Variants in PIEZO1 observed in about 807,000 individuals in gnomAD.
PIEZO1 encodes piezo-type mechanosensitive ion channel component 1.
Under a neutral mutation model 297.2 loss-of-function variants are expected in PIEZO1, and 296 were observed. The observed-to-expected ratio is 1.00, with a 90% CI of 0.91 to 1.10. The LOEUF is 1.10. Among genes scored for constraint, PIEZO1 ranks in the 50% least tolerant of loss-of-function variants. PIEZO1 has a pLI of 0.00. For missense variants in PIEZO1, 5,018 were observed against 3,455.5 expected, an observed-to-expected ratio of 1.45 and a Z score of -11.34; for synonymous variants, 2,427 against 1,507.5, an observed-to-expected ratio of 1.61 and a Z score of -14.13.
rs375008898 is a variant in PIEZO1 at position 88,721,820 on chromosome 16, G to A, written c.5202C>T (p.Ile1734=). 8.4e-6 allele frequency: 13 copies of A among 1,546,384 alleles called. No homozygotes were observed. Among genetic ancestry groups the A allele is most frequent in the African/African-American group, 2.7e-5 (2 of 73,012 alleles). ...RPSKRFWMTA[I]VFTEIAVVVK... ...GGCCTCGGCCCACCTCGGTGAAGAC[G>A]ATGGCCGTCATCCAGAAGCGCTTGC... The change falls in exon 37 of 51, where the codon ATC becomes ATT. Residue 1734 remains isoleucine (I), a synonymous_variant. Transcript: ENST00000301015.
rs1395422300 is a variant in PIEZO1, at chr16:88,715,492, C to T, written c.*113G>A. The T allele has an allele frequency of 2.6e-6, 3 of 1,154,676 alleles. No individual in the cohort carries two copies. In the African/African-American group the frequency reaches 4.6e-5, roughly 18 times the overall value. The allele number at this position is 1,154,676 out of a possible 1,614,324, so 71.5% of individuals were successfully genotyped here. ...TCAGGCAGGCCGGGAGGATGCATCA[C>T]AGCTGGCGGCCTTGGACGGGGCAGT... is the stretch of plus-strand genomic sequence containing the variant. On this transcript the variant is annotated 3_prime_UTR_variant, in exon 51 of 51. Coordinates refer to ENST00000301015, the MANE Select transcript of PIEZO1 (RefSeq NM_001142864.4).
At chr16:88,737,190 G>A (rs558685438) in intron 10 of PIEZO1, 58 of 271,772 alleles carry the variant, frequency 2.1e-4, no homozygotes, top group African/African-American at 7.5e-4. Context: ...TGCCCTGGAC[G>A]AGCGGCCTCC....
chr16:88,776,101 G>C (rs1907649717), intron 1 of PIEZO1, among the ~76,000 whole-genome samples: 1 of 152,150 alleles, frequency 6.6e-6, no homozygotes, highest in South Asian at 2.1e-4. Flanking sequence ...TTAAACACGT[G>C]CCACCCAGGA....
rs532143931 is a variant in PIEZO1, at chr16:88,750,171, C to CA, written c.65-693dup. ...CCAATATGGTGAATCCCTGTCTTGACAAAAAAATACAAAAATTAGCTGGGT... is the reference window on the plus strand; with the variant it reads ...CCAATATGGTGAATCCCTGTCTTGACAAAAAAAATACAAAAATTAGCTGGGT... On this transcript the variant is annotated intron_variant, in intron 1 of 50. Transcript: ENST00000301015. 2.7e-4 allele frequency among the ~76,000 whole-genome samples: 41 copies of CA among 150,130 alleles called. No homozygotes were observed. The East Asian group carries it at 3.6e-3, about 13-fold the overall frequency.
At position 88,715,780 on chromosome 16, in the gene PIEZO1, T is replaced by G; in HGVS notation, c.7391A>C (p.His2464Pro). ...FVRGFFSEIS[H>P]SIMFEELPCV... ...CGGCAGCTCCTCGAACATAATGGAG[T>G]GCGAGATCTCGCTGAAGAATCCGCG... The change falls in exon 51 of 51, where the codon CAC (histidine) becomes CCC (proline). Residue 2464 changes from histidine (H) to proline (P), a missense_variant. His to Pro is a moderately conservative substitution (Grantham distance 77). Transcript: ENST00000301015. 6.5e-7 allele frequency: 1 copy of G among 1,550,270 alleles called. No homozygotes were observed. The highest frequency in any genetic ancestry group is 8.7e-7 in the Non-Finnish European group (1 of 1,146,924).
intron 22 of PIEZO1, among the ~76,000 whole-genome samples, chr16:88,730,308 G>A (rs186269707): frequency 7.5e-4 from 114 of 152,320 alleles, no homozygotes; most frequent in Non-Finnish European, 1.3e-3. Context: ...AAAACAAGAC[G>A]GGGCCGGGCG....
rs563239344 is a variant in PIEZO1, at chr16:88,733,668, G to C, written c.2407C>G (p.Gln803Glu). ...AGFSDVLSRV[Q>E]VFLRRLLELH... ...TCCAGCAGCCGCCGCAGGAACACCT[G>C]CACGCGTGAGAGGACGTCCGAGAAG... Residue 803 changes from glutamine to glutamate, a missense_variant, in exon 18 of 51, where the codon CAG becomes GAG. Coordinates refer to ENST00000301015, the MANE Select transcript of PIEZO1 (RefSeq NM_001142864.4). The C allele has an allele frequency of 1.5e-5, 23 of 1,549,742 alleles. No homozygotes were observed. Among genetic ancestry groups the C allele is most frequent in the Non-Finnish European group, 2.0e-5 (23 of 1,146,628 alleles).
intron 5 of PIEZO1, 54 bp downstream of exon 5, chr16:88,741,424 G>A (rs1474812591): frequency 2.8e-6 from 4 of 1,439,104 alleles, no homozygotes; most frequent in African/African-American, 2.9e-5. Context: ...AAATGGCTGA[G>A]ACCACAGCTC....
At chr16:88,764,089 C>T (rs1195988458) in intron 1 of PIEZO1, among the ~76,000 whole-genome samples, 1 of 152,138 alleles carries the variant, frequency 6.6e-6, no homozygotes, top group Non-Finnish European at 1.5e-5. Flanking sequence ...CCCCGGGGGG[C>T]ACCAGAGCAG....
rs1319916989 is a variant in PIEZO1 at position 88,723,454 on chromosome 16, T to G, written c.4336-126A>C. ...TCTGTGTCTCCCAGGGACCTCCGTG[T>G]CCCTGAGCCCCTCCCGGATGGGGAC... On this transcript the variant is annotated intron_variant, in intron 31 of 50. Coordinates refer to ENST00000301015, the MANE Select transcript of PIEZO1 (RefSeq NM_001142864.4). The G allele has an allele frequency of 8.1e-6, 9 of 1,106,524 alleles. No homozygotes were observed. The East Asian group carries it at 2.3e-4, about 29-fold the overall frequency. The allele number at this position is 1,106,524 out of a possible 1,614,324, so 68.5% of individuals were successfully genotyped here. A position where few individuals can be genotyped will look rare whatever the true frequency, so the allele number is the denominator to read the frequency against.
chr16:88,785,090 C>T lies in PIEZO1; in HGVS notation c.-126G>A, dbSNP rs1443242333. The stretch of plus-strand genomic sequence containing the variant: ...GACCCGCGCGCCGCCTTCTCCTCTT[C>T]CTCCTTCTCCTTCGGCCGCCCCGCC... On this transcript the variant is annotated 5_prime_UTR_variant, in exon 1 of 51. Transcript: ENST00000301015. 4.1e-6 allele frequency: 2 copies of T among 484,870 alleles called. No homozygotes were observed. The highest frequency in any genetic ancestry group is 2.0e-5 in the African/African-American group (1 of 49,014). 30.0% of individuals were successfully genotyped at this position (484,870 alleles called of 1,614,324 possible).
At chr16:88,741,044 C>G (rs1238888886) in intron 5 of PIEZO1, 2 of 155,638 alleles carry the variant, frequency 1.3e-5, no homozygotes, top group African/African-American at 4.8e-5. Flanking sequence ...CCCGTCGCTC[C>G]TGGGGTCCAG....
chr16:88,719,414 C>T, intron 44 of PIEZO1, 160 bp downstream of exon 44: 1 of 648,144 alleles, frequency 1.5e-6, no homozygotes, highest in South Asian at 1.9e-5. Flanking sequence ...GATCACTGGC[C>T]TCGTGATCAG....
chr16:88,772,279 AGAC>A (rs1389944898), intron 1 of PIEZO1, among the ~76,000 whole-genome samples: 1 of 152,232 alleles, frequency 6.6e-6, no homozygotes, highest in Admixed American at 6.5e-5. Flanking sequence ...CCAGAATCCC[AGAC>A]GTATCATGGC....
chr16:88,760,074 C>CGCCTGGCCCACCCCCCAT (rs1348274116), intron 1 of PIEZO1, among the ~76,000 whole-genome samples: 1 of 151,546 alleles, frequency 6.6e-6, no homozygotes, highest in Non-Finnish European at 1.5e-5. Flanking sequence ...ACCTGGTCCA[C>CGCCTGGCCCACCCCCCAT]GCCTGGCCCA....
In PIEZO1 at chr16:88,725,260, G is replaced by A. The variant is rs376989462; in HGVS notation, c.4162+156C>T. Among the ~76,000 whole-genome samples the A allele has an allele frequency of 3.4e-4, 52 of 152,334 alleles. 3 individuals are homozygous for A. The highest frequency in any genetic ancestry group is 2.2e-3 in the Admixed American group (33 of 15,310). ...GTGCGTGGACGGACAGTCACAGGGCGGCCATGGGGCCTGCCAGACAGAGGG... is the reference window on the plus strand; with the variant it reads ...GTGCGTGGACGGACAGTCACAGGGCAGCCATGGGGCCTGCCAGACAGAGGG... On this transcript the variant is annotated intron_variant, in intron 29 of 50. Transcript: ENST00000301015.
At chr16:88,745,303 C>T (rs1201704551) in intron 2 of PIEZO1, 1 of 141,852 alleles carries the variant, frequency 7.0e-6, no homozygotes, top group Non-Finnish European at 1.5e-5. Context: ...AGGGACCCGC[C>T]CAGCTCTGGC....
chr16:88,757,923 C>T (rs1226914972), intron 1 of PIEZO1, among the ~76,000 whole-genome samples: 1 of 152,210 alleles, frequency 6.6e-6, no homozygotes, highest in African/African-American at 2.4e-5. Flanking sequence ...ACAGATTTCA[C>T]AGACTCCAGC....
At chr16:88,717,530 A>C (rs533832790) in intron 44 of PIEZO1, 2 of 526,612 alleles carry the variant, frequency 3.8e-6, no homozygotes, top group East Asian at 4.8e-5. Context: ...CATGTGCCAA[A>C]ATTTACCTCA....
Sources: gnomAD v4.1 joint callset for allele counts (sites outside exome capture counted in the v4.1 genomes callset) on GRCh38, gnomAD v4.1.1 for gene constraint, MANE v1.5 for transcripts, NCBI Gene and HGNC (gene_info 2026-07-23, HGNC 2026-07-21) for gene names.